TEX36: variants seen among roughly 807,000 people sequenced by gnomAD.
TEX36 encodes testis-expressed protein 36.
Under a neutral mutation model 13.6 loss-of-function variants are expected in TEX36, and 12 were observed. The ratio of observed to expected loss-of-function variants is 0.88; its 90% CI spans 0.56 to 1.43. The LOEUF is 1.43. Among genes scored for constraint, TEX36 ranks in the 40% most tolerant of loss-of-function variants. TEX36 has a pLI of 0.00. For synonymous variants in TEX36, 93 were observed against 83.0 expected (o/e 1.12, Z -0.65); for missense variants, 224 against 228.3 (o/e 0.98, Z 0.12).
Position 125,577,001 on chromosome 10 carries a change from A to C in TEX36, c.265-127T>G. On this transcript the variant is annotated intron_variant, in intron 3 of 3. Coordinates refer to the TEX36 transcript ENST00000532135. ...AGCTTTAAAAACACCCCAGAGAAGG[A>C]TTTAGTGAGACTTAGCCTGAGCCCT... 3 of 1,250,228 alleles carry C rather than the reference A, an allele frequency of 2.4e-6. No individual in the cohort carries two copies. The South Asian group carries it at 4.3e-5, about 18-fold the overall frequency. 77.4% of individuals were successfully genotyped at this position (1,250,228 alleles called of 1,614,324 possible).
At chr10:125,610,226 G>C (rs1418421860) in intron 3 of TEX36, among the ~76,000 whole-genome samples, 1 of 152,164 alleles carries the variant, frequency 6.6e-6, no homozygotes, top group East Asian at 1.9e-4. Context: ...GCAGCCCTCA[G>C]GGCTGCTCTG....
intron 3 of TEX36, among the ~76,000 whole-genome samples, chr10:125,658,120 T>C (rs1846975769): frequency 6.6e-6 from 1 of 152,030 alleles, no homozygotes; most frequent in Admixed American, 6.5e-5. Flanking sequence ...TATAAAGAAA[T>C]AGATTCTTCG....
chr10:125,663,434 A>C (rs376761374), intron 1 of TEX36, among the ~76,000 whole-genome samples: 2 of 152,332 alleles, frequency 1.3e-5, no homozygotes, highest in South Asian at 4.1e-4. Flanking sequence ...TGCTGGATCA[A>C]ATGGTAATTT....
intron 3 of TEX36, among the ~76,000 whole-genome samples, chr10:125,626,732 A>G (rs1846495112): frequency 6.6e-6 from 1 of 152,166 alleles, no homozygotes; most frequent in African/African-American, 2.4e-5. Flanking sequence ...AGCAGCTGGA[A>G]GCAATGGGAT....
At chr10:125,643,769 T>G (rs988031630) in intron 3 of TEX36, among the ~76,000 whole-genome samples, 2 of 151,088 alleles carry the variant, frequency 1.3e-5, no homozygotes, top group African/African-American at 4.9e-5. Context: ...ATACAAAAAT[T>G]AGCTGGGCAT....
intron 3 of TEX36, among the ~76,000 whole-genome samples, chr10:125,641,709 T>A (rs999932778): frequency 8.5e-5 from 13 of 152,234 alleles, no homozygotes; most frequent in Non-Finnish European, 1.8e-4. Context: ...GAACAATACA[T>A]TAAAACAAGA....
chr10:125,608,156 A>G (rs2133548801), intron 3 of TEX36, among the ~76,000 whole-genome samples: 1 of 152,284 alleles, frequency 6.6e-6, no homozygotes, highest in East Asian at 1.9e-4. Context: ...AAACAAGGAC[A>G]CTGTTCACAA....
intron 3 of TEX36, among the ~76,000 whole-genome samples, chr10:125,600,759 G>C (rs1448417459): frequency 2.0e-5 from 3 of 152,098 alleles, no homozygotes; most frequent in Non-Finnish European, 4.4e-5. Context: ...TTCTAAATAT[G>C]ACCCCCACGG....
chr10:125,586,266 C>G (rs780487404), intron 3 of TEX36, among the ~76,000 whole-genome samples: 1 of 152,136 alleles, frequency 6.6e-6, no homozygotes, highest in Non-Finnish European at 1.5e-5. Context: ...AACCCTTACT[C>G]TCATCTATGC....
intron 3 of TEX36, among the ~76,000 whole-genome samples, chr10:125,588,701 G>A (rs543676200): frequency 2.6e-5 from 4 of 152,266 alleles, no homozygotes; most frequent in East Asian, 3.9e-4. Flanking sequence ...TGCAAACTCC[G>A]CCTCCCGGGT....
intron 3 of TEX36, among the ~76,000 whole-genome samples, chr10:125,595,310 A>G (rs988002681): frequency 1.1e-4 from 16 of 152,074 alleles, no homozygotes; most frequent in Non-Finnish European, 1.5e-4. Flanking sequence ...ATAAATAAAT[A>G]TTAATAAATG....
At chr10:125,601,309 G>A (rs1299677834) in intron 3 of TEX36, among the ~76,000 whole-genome samples, 2 of 152,224 alleles carry the variant, frequency 1.3e-5, no homozygotes, top group Non-Finnish European at 2.9e-5. Flanking sequence ...TATGGAAGGG[G>A]ACCTCCCTGT....
chr10:125,580,775 C>T (rs981332749), intron 3 of TEX36, among the ~76,000 whole-genome samples: 3 of 152,104 alleles, frequency 2.0e-5, no homozygotes, highest in South Asian at 2.1e-4. Flanking sequence ...TGACCCATCC[C>T]GGCCCAATCA....
intron 3 of TEX36, among the ~76,000 whole-genome samples, chr10:125,638,638 ATCT>A (rs1846647737): frequency 1.3e-5 from 2 of 152,368 alleles, no homozygotes; most frequent in South Asian, 4.1e-4. Context: ...CTATCGCTAC[ATCT>A]TCTCCCTACG....
intron 3 of TEX36, among the ~76,000 whole-genome samples, chr10:125,608,364 A>G (rs1446450993): frequency 6.6e-6 from 1 of 152,224 alleles, no homozygotes; most frequent in Non-Finnish European, 1.5e-5. Flanking sequence ...CTAAATATAA[A>G]TTGTAACTTA....
intron 3 of TEX36, among the ~76,000 whole-genome samples, chr10:125,593,311 A>G (rs1846044874): frequency 6.6e-6 from 1 of 152,234 alleles, no homozygotes. Flanking sequence ...ATATTATAAC[A>G]TCACAAGATT....
Position 125,612,232 on chromosome 10 carries a change from C to T in TEX36, c.265-35358G>A, listed in dbSNP as rs541569971. 2.4e-4 allele frequency among the ~76,000 whole-genome samples: 33 copies of T among 139,056 alleles called. 1 individual carries two copies. Among genetic ancestry groups the T allele is most frequent in the Non-Finnish European group, 4.1e-4 (26 of 63,002 alleles). 91.2% of individuals were successfully genotyped at this position (139,056 alleles called of 152,430 possible). A position where few individuals can be genotyped will look rare whatever the true frequency, so the allele number is the denominator to read the frequency against. On this transcript the variant is annotated intron_variant, in intron 3 of 3. Coordinates refer to the TEX36 transcript ENST00000532135. ...CGGAGTAGCTGGGACTACAGGTGTG[C>T]GCCACCACACCCAGCTAATTTTTGT...
At chr10:125,626,201 G>T (rs979513828) in intron 3 of TEX36, among the ~76,000 whole-genome samples, 2 of 152,104 alleles carry the variant, frequency 1.3e-5, no homozygotes, top group African/African-American at 2.4e-5. Context: ...CTACAAGTTC[G>T]GTCCCACGAG....
chr10:125,661,150 G>A, intron 2 of TEX36, 49 bp from the exon 3 acceptor site: 1 of 1,447,562 alleles, frequency 6.9e-7, no homozygotes, highest in Non-Finnish European at 9.5e-7. Context: ...AACCCTGCAT[G>A]CTTTCAGAAC....
Sources: gnomAD v4.1 joint callset for allele counts (sites outside exome capture counted in the v4.1 genomes callset) on GRCh38, gnomAD v4.1.1 for gene constraint, MANE v1.5 for transcripts, NCBI Gene and HGNC (gene_info 2026-07-23, HGNC 2026-07-21) for gene names.